The following KCNQ1OT1 variants were observed in gnomAD, a reference collection of about 807,000 sequenced individuals.
KCNQ1OT1 encodes the protein KCNQ1 antisense RNA 2 (non-protein coding).
exon 1 of KCNQ1OT1, chr11:2,662,904 G>A: frequency 2.5e-6 from 1 of 398,696 alleles, no homozygotes; most frequent in East Asian, 3.6e-5. Context: ...ACTCTCTGGG[G>A]GTCAGGAGGT....
At position 2,676,246 on chromosome 11, in the gene KCNQ1OT1, T is replaced by C. The variant is rs185523286; in HGVS notation, n.23749A>G. ...TGCTGATTTATTATGGTGCAGTACATCTGAGAAGCATTTTTATTGCAAAAT... is the reference window on the plus strand; with the variant it reads ...TGCTGATTTATTATGGTGCAGTACACCTGAGAAGCATTTTTATTGCAAAAT... On this transcript the variant is annotated non_coding_transcript_exon_variant, in exon 1 of 1. Transcript: ENST00000597346. This position sits in a 1 kb window ranked among gnomAD's most constrained non-coding sequence, Gnocchi z 4.2. 7.5e-5 allele frequency: 30 copies of C among 398,682 alleles called. No homozygotes were observed. In the Admixed American group the frequency reaches 1.1e-3, roughly 15 times the overall value. 24.7% of individuals were successfully genotyped at this position (398,682 alleles called of 1,614,324 possible). A position where few individuals can be genotyped will look rare whatever the true frequency, so the allele number is the denominator to read the frequency against.
chr11:2,639,488 G>T (rs1849534638), exon 1 of KCNQ1OT1: 1 of 152,366 alleles, frequency 6.6e-6, no homozygotes, highest in Non-Finnish European at 1.5e-5. Flanking sequence ...TCCAGACCCT[G>T]TTTGCCTGGG....
chr11:2,640,859 A>T (rs531490868), exon 1 of KCNQ1OT1: 7 of 399,514 alleles, frequency 1.8e-5, no homozygotes, highest in African/African-American at 1.0e-4. Flanking sequence ...TTTGGTATCT[A>T]TCCTTCTACT....
In KCNQ1OT1 at chr11:2,676,311, A is replaced by T. The variant is rs1564854758; in HGVS notation, n.23684T>A. The T allele has an allele frequency of 2.5e-6, 1 of 398,642 alleles. No individual in the cohort carries two copies. Among genetic ancestry groups the T allele is most frequent in the East Asian group, 3.6e-5 (1 of 28,078 alleles). 24.7% of individuals were successfully genotyped at this position (398,642 alleles called of 1,614,324 possible). On this transcript the variant is annotated non_coding_transcript_exon_variant, in exon 1 of 1. Transcript: ENST00000597346. This position sits in a 1 kb window ranked among gnomAD's most constrained non-coding sequence, Gnocchi z 4.2. ...ATACAGACACACGTGTGAACAGGTG[A>T]TGGCTCTGAACAGTGTAGTTGAAGT... is the stretch of plus-strand genomic sequence containing the variant.
exon 1 of KCNQ1OT1, chr11:2,655,728 T>A (rs1849835131): frequency 5.9e-6 from 1 of 169,388 alleles, no homozygotes; most frequent in South Asian, 2.1e-4. Context: ...CTGACCTGGC[T>A]ACGACCACAG....
exon 1 of KCNQ1OT1, chr11:2,644,418 T>G (rs1849634257): frequency 2.5e-6 from 1 of 398,422 alleles, no homozygotes; most frequent in East Asian, 3.6e-5. Context: ...AATTCCAGAA[T>G]ATCTGTTTGG....
rs1037193605 is a variant in KCNQ1OT1, at chr11:2,679,483, T to A, written n.20512A>T. On this transcript the variant is annotated non_coding_transcript_exon_variant, in exon 1 of 1. Coordinates refer to ENST00000597346, the Ensembl canonical transcript of KCNQ1OT1. The surrounding 1 kb of genome is among the most constrained non-coding windows in gnomAD (Gnocchi z 4.8). ...TATAAAGTATGCAGAAAAGTGCCTGTCCTATAGTAGTGACACAGTGTTACT... is the reference window on the plus strand; with the variant it reads ...TATAAAGTATGCAGAAAAGTGCCTGACCTATAGTAGTGACACAGTGTTACT... 5.0e-6 allele frequency: 2 copies of A among 398,534 alleles called. No homozygotes were observed. Among genetic ancestry groups the A allele is most frequent in the Non-Finnish European group, 8.8e-6 (2 of 226,078 alleles). The allele number at this position is 398,534 out of a possible 1,614,324, so 24.7% of individuals were successfully genotyped here.
At chr11:2,697,261 A>G (rs1022304049) in exon 1 of KCNQ1OT1, 7 of 398,502 alleles carry the variant, frequency 1.8e-5, no homozygotes, top group Non-Finnish European at 3.1e-5. Flanking sequence ...GGGGGTTTCA[A>G]TAACTTTTAA....
At chr11:2,646,938 G>A (rs928653168) in exon 1 of KCNQ1OT1, 121 of 398,460 alleles carry the variant, frequency 3.0e-4, no homozygotes, top group Non-Finnish European at 4.7e-4. Flanking sequence ...ATCTGCAAAG[G>A]ACAATATGAC....
rs888990408 is a variant in KCNQ1OT1 at position 2,612,573 on chromosome 11, C to A, written n.87422G>T. 1 of 398,482 alleles carries A rather than the reference C, an allele frequency of 2.5e-6. No homozygotes were observed. The highest frequency in any genetic ancestry group is 2.1e-5 in the African/African-American group (1 of 48,624). The allele number at this position is 398,482 out of a possible 1,614,324, so 24.7% of individuals were successfully genotyped here. ...CCTAAGTTATTATATTTCACAACTA[C>A]AGAATTTCTATTTGGTTTCTAATTT... On this transcript the variant is annotated non_coding_transcript_exon_variant, in exon 1 of 1. Coordinates refer to ENST00000597346, the Ensembl canonical transcript of KCNQ1OT1. This position sits in a 1 kb window ranked among gnomAD's most constrained non-coding sequence, Gnocchi z 5.5.
Position 2,661,596 on chromosome 11 carries a change from C to T in KCNQ1OT1, n.38399G>A, listed in dbSNP as rs183549617. ...TGGTGGTGGGAGCTGTTGTCCCTTA[C>T]CAGGCCTGTGCCTGTCACCTCTGTT... On this transcript the variant is annotated non_coding_transcript_exon_variant, in exon 1 of 1. Transcript: ENST00000597346. This position sits in a 1 kb window ranked among gnomAD's most constrained non-coding sequence, Gnocchi z 5.9. 132 of 571,090 alleles carry T rather than the reference C, an allele frequency of 2.3e-4. 1 individual carries two copies. Among genetic ancestry groups the T allele is most frequent in the African/African-American group, 2.0e-3 (105 of 53,684 alleles). The allele number at this position is 571,090 out of a possible 1,614,324, so 35.4% of individuals were successfully genotyped here. A position where few individuals can be genotyped will look rare whatever the true frequency, so the allele number is the denominator to read the frequency against.
chr11:2,632,182 C>CAAAAAA (rs34998500), exon 1 of KCNQ1OT1: 18 of 312,110 alleles, frequency 5.8e-5, no homozygotes, highest in Admixed American at 2.0e-4. Context: ...GACTCTGCCT[C>CAAAAAA]AAAAAAAAAA....
At chr11:2,633,538 T>C in exon 1 of KCNQ1OT1, 1 of 398,556 alleles carries the variant, frequency 2.5e-6, no homozygotes, top group Admixed American at 4.4e-5. Flanking sequence ...TTTGAGTTGA[T>C]TTTTTTATAT....
rs537238457 is a variant in KCNQ1OT1, at chr11:2,621,145, T to G, written n.78850A>C. The G allele has an allele frequency of 5.0e-6, 2 of 396,744 alleles. No homozygotes were observed. Among genetic ancestry groups the G allele is most frequent in the African/African-American group, 4.1e-5 (2 of 48,658 alleles). The allele number at this position is 396,744 out of a possible 1,614,324, so 24.6% of individuals were successfully genotyped here. A position where few individuals can be genotyped will look rare whatever the true frequency, so the allele number is the denominator to read the frequency against. On this transcript the variant is annotated non_coding_transcript_exon_variant, in exon 1 of 1. Coordinates refer to ENST00000597346, the Ensembl canonical transcript of KCNQ1OT1. The surrounding 1 kb of genome is among the most constrained non-coding windows in gnomAD (Gnocchi z 5.7). ...GGTGACCGCCACCATACCTGGCTAA[T>G]TTTTGTGTTTTTAGTAGAGACGGGG...
At chr11:2,680,540 G>C in exon 1 of KCNQ1OT1, 1 of 398,406 alleles carries the variant, frequency 2.5e-6, no homozygotes, top group Non-Finnish European at 4.4e-6. Flanking sequence ...TTCTCATGCA[G>C]TTCTAAGAAA....
In KCNQ1OT1 at chr11:2,634,427, T is replaced by C. The variant is rs1482600552; in HGVS notation, n.65568A>G. ...CCCACCTACGAGTGAGAACATGCGG[T>C]GTTTGGTTTTTCATTCTTGCTATAG... On this transcript the variant is annotated non_coding_transcript_exon_variant, in exon 1 of 1. Transcript: ENST00000597346. 3 of 178,552 alleles carry C rather than the reference T, an allele frequency of 1.7e-5. No individual in the cohort carries two copies. The East Asian group carries it at 3.8e-4, about 23-fold the overall frequency. 11.1% of individuals were successfully genotyped at this position (178,552 alleles called of 1,614,324 possible).
chr11:2,672,873 CCTGA>C (rs1287769866), exon 1 of KCNQ1OT1: 1 of 398,748 alleles, frequency 2.5e-6, no homozygotes, highest in Non-Finnish European at 4.4e-6. Flanking sequence ...ACCCTAGCCA[CCTGA>C]CTGTCAGGGG....
rs934491679 is a variant in KCNQ1OT1 at position 2,652,168 on chromosome 11, G to A, written n.47827C>T. The stretch of plus-strand genomic sequence containing the variant: ...AAGCCCGCGCCCTCGGGGCCTGGGG[G>A]TGGGGCCCCAGCAGATGTCTGGATT... On this transcript the variant is annotated non_coding_transcript_exon_variant, in exon 1 of 1. Coordinates refer to ENST00000597346, the Ensembl canonical transcript of KCNQ1OT1. The surrounding 1 kb of genome is among the most constrained non-coding windows in gnomAD (Gnocchi z 5.9). The A allele has an allele frequency of 5.0e-6, 2 of 398,544 alleles. No individual in the cohort carries two copies. Among genetic ancestry groups the A allele is most frequent in the Non-Finnish European group, 4.4e-6 (1 of 226,120 alleles). 24.7% of individuals were successfully genotyped at this position (398,544 alleles called of 1,614,324 possible).
rs1056928833 is a variant in KCNQ1OT1 at position 2,674,954 on chromosome 11, G to A, written n.25041C>T. On this transcript the variant is annotated non_coding_transcript_exon_variant, in exon 1 of 1. Coordinates refer to ENST00000597346, the Ensembl canonical transcript of KCNQ1OT1. The surrounding 1 kb of genome is among the most constrained non-coding windows in gnomAD (Gnocchi z 5.9). ...CAGGCCTCGCTTCTGGGGCTGACTGGAGCTGTTTCTCTTCGTTTCCTCTTA... is the reference window on the plus strand; with the variant it reads ...CAGGCCTCGCTTCTGGGGCTGACTGAAGCTGTTTCTCTTCGTTTCCTCTTA... The A allele has an allele frequency of 5.0e-6, 2 of 398,412 alleles. No individual in the cohort carries two copies. The highest frequency in any genetic ancestry group is 8.8e-6 in the Non-Finnish European group (2 of 226,068). The allele number at this position is 398,412 out of a possible 1,614,324, so 24.7% of individuals were successfully genotyped here.
Sources: gnomAD v4.1 joint callset for allele counts on GRCh38, gnomAD v4.1.1 for gene constraint, Gnocchi (gnomAD v3.1) non-coding constraint, MANE v1.5 for transcripts, NCBI Gene and HGNC (gene_info 2026-07-23, HGNC 2026-07-21) for gene names.